TYW1B: variants seen among roughly 807,000 people sequenced by gnomAD.
TYW1B encodes the protein S-adenosyl-L-methionine-dependent tRNA 4-demethylwyosine synthase TYW1B.
Under a neutral mutation model 86.9 loss-of-function variants are expected in TYW1B, and 73 were observed. The ratio of observed to expected loss-of-function variants is 0.84; its 90% CI spans 0.70 to 1.02. TYW1B has a LOEUF of 1.02. Among genes scored for constraint, TYW1B ranks in the 50% least tolerant of loss-of-function variants. The probability of loss-of-function intolerance (pLI) is 0.00; values close to 1 mark genes in which losing one functional copy is unlikely to be tolerated. For synonymous variants in TYW1B, 248 were observed against 292.8 expected, an observed-to-expected ratio of 0.85 and a Z score of 1.56; for missense variants, 637 against 827.4, an observed-to-expected ratio of 0.77 and a Z score of 2.82.
chr7:72,607,522 T>C (rs781841837), intron 13 of TYW1B, among the ~76,000 whole-genome samples: 24 of 150,504 alleles, frequency 1.6e-4, no homozygotes, highest in Non-Finnish European at 3.4e-4. Context: ...GGAGAAATAG[T>C]TAAATAGAAA....
Position 72,816,327 on chromosome 7 carries a change from G to C in TYW1B, c.136-846C>G, listed in dbSNP as rs181175820. Among the ~76,000 whole-genome samples the C allele has an allele frequency of 7.8e-4, 118 of 152,194 alleles. 3 individuals carry two copies. The highest frequency in any genetic ancestry group is 4.2e-4 in the South Asian group (2 of 4,818). ...GGAGGCAGAGGTTGCAGTGAGCCAA[G>C]ATTGCACCATTGCACTCCAGCCTGG... On this transcript the variant is annotated intron_variant, in intron 2 of 13. Coordinates refer to ENST00000620995, the MANE Select transcript of TYW1B (RefSeq NM_001145440.3).
chr7:72,612,780 C>T (rs1811966892), intron 13 of TYW1B, among the ~76,000 whole-genome samples: 1 of 151,770 alleles, frequency 6.6e-6, no homozygotes, highest in Non-Finnish European at 1.5e-5. Context: ...GAGATGGTCT[C>T]ACTCTGTTGC....
At chr7:72,641,607 T>A (rs1379407059) in intron 11 of TYW1B, among the ~76,000 whole-genome samples, 1 of 152,106 alleles carries the variant, frequency 6.6e-6, no homozygotes, top group Non-Finnish European at 1.5e-5. Context: ...AACAGCTATA[T>A]CCATAGTAAC....
At chr7:72,670,335 G>A (rs1554446136) in intron 11 of TYW1B, among the ~76,000 whole-genome samples, 6 of 152,172 alleles carry the variant, frequency 3.9e-5, no homozygotes, top group Non-Finnish European at 8.8e-5. Flanking sequence ...GGGATTACAG[G>A]CGCCTACCAC....
chr7:72,695,372 C>G (rs1814291664), intron 10 of TYW1B, among the ~76,000 whole-genome samples: 1 of 152,182 alleles, frequency 6.6e-6, no homozygotes, highest in African/African-American at 2.4e-5. Context: ...AAACAATGAT[C>G]CATCTGGGGA....
intron 13 of TYW1B, among the ~76,000 whole-genome samples, chr7:72,586,858 C>A (rs1394226740): frequency 6.6e-6 from 1 of 151,996 alleles, no homozygotes. Flanking sequence ...CTCCTAGAAG[C>A]TGAGGGCAAA....
intron 7 of TYW1B, among the ~76,000 whole-genome samples, chr7:72,763,151 G>A (rs1182706094): frequency 2.7e-5 from 4 of 150,706 alleles, no homozygotes; most frequent in Non-Finnish European, 5.9e-5. Context: ...TTTGGTAACT[G>A]GCCTTTAAAA....
intron 7 of TYW1B, chr7:72,769,047 A>G: frequency 2.8e-6 from 1 of 359,416 alleles, no homozygotes; most frequent in South Asian, 3.5e-5. Context: ...CTACTCTCAT[A>G]ATTTATGGGA....
intron 11 of TYW1B, among the ~76,000 whole-genome samples, chr7:72,663,363 T>A (rs1458224151): frequency 6.6e-6 from 1 of 152,108 alleles, no homozygotes; most frequent in Non-Finnish European, 1.5e-5. Flanking sequence ...GGTTATTTTT[T>A]AAAATGTCAG....
rs557956078 is a variant in TYW1B at position 72,645,364 on chromosome 7, C to T, written c.1507-16367G>A. ...CCTTGAATGTTCTTATATGGCCTTG[C>T]GATTGTCTGGCACTATCTACTAATG... On this transcript the variant is annotated intron_variant, in intron 11 of 13. Transcript: ENST00000620995. Among the ~76,000 whole-genome samples, 14 of 152,202 alleles carry T rather than the reference C, an allele frequency of 9.2e-5. No individual in the cohort carries two copies. The East Asian group carries it at 2.7e-3, about 29-fold the overall frequency.
At chr7:72,635,535 C>G (rs1353150407) in intron 11 of TYW1B, among the ~76,000 whole-genome samples, 2 of 152,186 alleles carry the variant, frequency 1.3e-5, no homozygotes, top group African/African-American at 4.8e-5. Flanking sequence ...CTGAAAAGAA[C>G]TATCCAGTCT....
chr7:72,637,201 G>A (rs1205425571), intron 11 of TYW1B, among the ~76,000 whole-genome samples: 1 of 151,958 alleles, frequency 6.6e-6, no homozygotes. Flanking sequence ...GTGTAGGGTT[G>A]GTGTTAGTTC....
chr7:72,740,116 C>T (rs2129571260), intron 8 of TYW1B, among the ~76,000 whole-genome samples: 1 of 151,278 alleles, frequency 6.6e-6, no homozygotes, highest in East Asian at 1.9e-4. Context: ...GCCTGCAATC[C>T]CAGCTACTCA....
intron 11 of TYW1B, among the ~76,000 whole-genome samples, chr7:72,646,869 CCTCTT>C (rs527581904): frequency 1.3e-3 from 192 of 152,312 alleles, no homozygotes; most frequent in Admixed American, 0.012. Flanking sequence ...TATTCTCTCT[CCTCTT>C]GAGTATTATA....
At chr7:72,643,744 A>G (rs1585871179) in intron 11 of TYW1B, among the ~76,000 whole-genome samples, 2 of 152,330 alleles carry the variant, frequency 1.3e-5, no homozygotes, top group East Asian at 3.9e-4. Flanking sequence ...GAAAATTTAA[A>G]TGAAATGTAC....
At chr7:72,724,828 T>C (rs1786969136) in intron 9 of TYW1B, among the ~76,000 whole-genome samples, 1 of 152,208 alleles carries the variant, frequency 6.6e-6, no homozygotes, top group African/African-American at 2.4e-5. Context: ...TTGGTGGCAG[T>C]TGTTGAATTT....
At chr7:72,805,767 C>T (rs1407992878) in intron 5 of TYW1B, among the ~76,000 whole-genome samples, 1 of 152,100 alleles carries the variant, frequency 6.6e-6, no homozygotes, top group Non-Finnish European at 1.5e-5. Context: ...CAAGAAACTG[C>T]AGGCCAGGGT....
intron 2 of TYW1B, among the ~76,000 whole-genome samples, chr7:72,819,546 C>T (rs1294116440): frequency 2.0e-5 from 3 of 152,198 alleles, no homozygotes; most frequent in Non-Finnish European, 2.9e-5. Flanking sequence ...AATCCTCCCA[C>T]CTCAGCCACC....
intron 12 of TYW1B, among the ~76,000 whole-genome samples, chr7:72,625,640 C>A (rs1208280551): frequency 6.6e-6 from 1 of 151,476 alleles, no homozygotes; most frequent in Non-Finnish European, 1.5e-5. Flanking sequence ...CCAGTCTGGG[C>A]AACCGAGCAA....
Sources: gnomAD v4.1 joint callset for allele counts (sites outside exome capture counted in the v4.1 genomes callset) on GRCh38, gnomAD v4.1.1 for gene constraint, MANE v1.5 for transcripts, NCBI Gene and HGNC (gene_info 2026-07-23, HGNC 2026-07-21) for gene names.